SH3RF1: variants seen among roughly 807,000 people sequenced by gnomAD.
The protein encoded by SH3RF1 is E3 ubiquitin-protein ligase SH3RF1.
A neutral mutation model predicts 74.0 loss-of-function variants in SH3RF1; 32 were observed. The observed-to-expected ratio is 0.43, with a 90% CI of 0.33 to 0.58. The LOEUF (loss-of-function observed/expected upper bound fraction) is 0.58. Among genes scored for constraint, SH3RF1 ranks in the 20% least tolerant of loss-of-function variants. SH3RF1 has a pLI of 0.05. For synonymous variants in SH3RF1, 396 were observed against 439.6 expected, an observed-to-expected ratio of 0.90 and a Z score of 1.24; for missense variants, 954 against 1,130.9, an observed-to-expected ratio of 0.84 and a Z score of 2.24.
At chr4:169,183,578 G>C (rs1189754760) in intron 2 of SH3RF1, among the ~76,000 whole-genome samples, 2 of 151,972 alleles carry the variant, frequency 1.3e-5, no homozygotes, top group Non-Finnish European at 2.9e-5. Flanking sequence ...ACCATGCCCA[G>C]CCAAAACAAT....
At chr4:169,182,947 T>C (rs1484824684) in intron 2 of SH3RF1, among the ~76,000 whole-genome samples, 1 of 151,978 alleles carries the variant, frequency 6.6e-6, no homozygotes, top group Non-Finnish European at 1.5e-5. Flanking sequence ...AAAGGAAGAC[T>C]GAAGTGGAAG....
At chr4:169,239,136 C>A (rs999299424) in intron 2 of SH3RF1, among the ~76,000 whole-genome samples, 1 of 152,182 alleles carries the variant, frequency 6.6e-6, no homozygotes, top group Non-Finnish European at 1.5e-5. Flanking sequence ...AATCTTTCTT[C>A]TTATTTACCT....
chr4:169,258,614 G>A (rs1055977252), intron 2 of SH3RF1, among the ~76,000 whole-genome samples: 2 of 152,076 alleles, frequency 1.3e-5, no homozygotes, highest in African/African-American at 4.8e-5. Context: ...TCATCACTGT[G>A]CATAAAACAC....
intron 2 of SH3RF1, chr4:169,219,955 C>T (rs1325624911): frequency 6.6e-6 from 1 of 151,934 alleles, no homozygotes; most frequent in Admixed American, 6.6e-5. Context: ...CAATCAACTT[C>T]CAGGCGATCA....
chr4:169,203,439 T>C (rs913822964), intron 2 of SH3RF1, among the ~76,000 whole-genome samples: 1 of 151,748 alleles, frequency 6.6e-6, no homozygotes, highest in Non-Finnish European at 1.5e-5. Context: ...TAATCCCAGC[T>C]ACTTGGAAGG....
intron 2 of SH3RF1, among the ~76,000 whole-genome samples, chr4:169,195,623 C>T (rs539562220): frequency 2.0e-5 from 3 of 152,128 alleles, no homozygotes; most frequent in African/African-American, 7.2e-5. Flanking sequence ...ATTTTCCAGT[C>T]CTTTTCTTCT....
At position 169,157,878 on chromosome 4, in the gene SH3RF1, T is replaced by C. The variant is rs565769846; in HGVS notation, c.394-1199A>G. On this transcript the variant is annotated intron_variant, in intron 2 of 11. Transcript: ENST00000284637. ...GCTTCAGCCTCCCAAGTAGCTGGGA[T>C]TGCAGGCAAGCACCACTATGTCTGG... Among the ~76,000 whole-genome samples the C allele has an allele frequency of 6.6e-5, 10 of 152,060 alleles. No individual in the cohort carries two copies. The East Asian group carries it at 9.7e-4, about 15-fold the overall frequency.
At chr4:169,100,358 T>A (rs1174935954) in intron 11 of SH3RF1, among the ~76,000 whole-genome samples, 1 of 152,110 alleles carries the variant, frequency 6.6e-6, no homozygotes, top group African/African-American at 2.4e-5. Flanking sequence ...CTTTTTTTTT[T>A]AAGACTGAGT....
At chr4:169,104,223 C>T (rs1027704343) in intron 11 of SH3RF1, among the ~76,000 whole-genome samples, 3 of 152,128 alleles carry the variant, frequency 2.0e-5, no homozygotes, top group African/African-American at 7.2e-5. Flanking sequence ...AAAAGAGTCA[C>T]ACAAATACCA....
At chr4:169,116,172 G>A (rs10017472) in intron 10 of SH3RF1, 97 bp downstream of exon 10, 545,998 of 1,508,886 alleles carry the variant, frequency 0.36, 104,784 homozygotes, top group African/African-American at 0.7. Flanking sequence ...TTGTTGAACA[G>A]TGAGTCCTCT....
chr4:169,261,415 T>C (rs528045671), intron 2 of SH3RF1, among the ~76,000 whole-genome samples: 2 of 152,114 alleles, frequency 1.3e-5, no homozygotes, highest in East Asian at 3.9e-4. Flanking sequence ...CAACATGAGG[T>C]CCCAGGGAAA....
intron 11 of SH3RF1, among the ~76,000 whole-genome samples, chr4:169,106,516 T>C (rs1292522695): frequency 6.7e-6 from 1 of 148,964 alleles, no homozygotes; most frequent in Admixed American, 6.7e-5. Context: ...CAGCAATTAG[T>C]GGCAACGGAA....
At chr4:169,260,411 A>G (rs1731258901) in intron 2 of SH3RF1, among the ~76,000 whole-genome samples, 1 of 152,186 alleles carries the variant, frequency 6.6e-6, no homozygotes, top group Admixed American at 6.5e-5. Flanking sequence ...TGGAAAGAAC[A>G]GACCACAGTT....
intron 4 of SH3RF1, among the ~76,000 whole-genome samples, chr4:169,154,652 T>A (rs1456075302): frequency 2.0e-5 from 3 of 152,180 alleles, no homozygotes; most frequent in African/African-American, 7.2e-5. Context: ...CCCTTATTTA[T>A]CCATCACACA....
At chr4:169,108,587 T>C (rs549672114) in intron 10 of SH3RF1, among the ~76,000 whole-genome samples, 1 of 152,260 alleles carries the variant, frequency 6.6e-6, no homozygotes, top group East Asian at 1.9e-4. Context: ...ACCTGGGCTA[T>C]AGATGAGCAG....
chr4:169,250,318 TAA>T (rs5863991), intron 2 of SH3RF1, among the ~76,000 whole-genome samples: 8 of 144,228 alleles, frequency 5.5e-5, no homozygotes, highest in African/African-American at 7.6e-5. Flanking sequence ...CTCTTGGGTT[TAA>T]AAAAAAAAAA....
intron 11 of SH3RF1, among the ~76,000 whole-genome samples, chr4:169,104,243 G>A (rs573433335): frequency 2.0e-5 from 3 of 152,208 alleles, no homozygotes; most frequent in Non-Finnish European, 2.9e-5. Flanking sequence ...ACAAATGAGA[G>A]GGAACACAGG....
chr4:169,145,815 T>C lies in SH3RF1; in HGVS notation c.766-9195A>G, dbSNP rs932523619. Among the ~76,000 whole-genome samples the C allele has an allele frequency of 1.5e-5, 2 of 132,776 alleles. 1 individual carries two copies. The highest frequency in any genetic ancestry group is 3.2e-5 in the Non-Finnish European group (2 of 62,728). 87.1% of individuals were successfully genotyped at this position (132,776 alleles called of 152,430 possible). Reference sequence around the variant, plus strand: ...TATTCTATATAAAATATATATTCTATATATTATTCTATATAAAATATGTAT... The same window carrying C: ...TATTCTATATAAAATATATATTCTACATATTATTCTATATAAAATATGTAT... On this transcript the variant is annotated intron_variant, in intron 4 of 11. Transcript: ENST00000284637.
chr4:169,104,884 G>C (rs1197064243), intron 11 of SH3RF1, among the ~76,000 whole-genome samples: 1 of 145,850 alleles, frequency 6.9e-6, no homozygotes, highest in Non-Finnish European at 1.5e-5. Context: ...CTGGGCAACA[G>C]AGTGAGACTC....
Sources: gnomAD v4.1 joint callset for allele counts (sites outside exome capture counted in the v4.1 genomes callset) on GRCh38, gnomAD v4.1.1 for gene constraint, MANE v1.5 for transcripts, NCBI Gene and HGNC (gene_info 2026-07-23, HGNC 2026-07-21) for gene names.